CERS6: variants seen among roughly 807,000 people sequenced by gnomAD.
CERS6 encodes ceramide synthase 6.
CERS6 carries 26 observed loss-of-function variants against 56.8 expected under a neutral mutation model. That is an observed-to-expected ratio of 0.46 (90% CI 0.34 to 0.63). The LOEUF (loss-of-function observed/expected upper bound fraction) is 0.63, where lower values mean the gene tolerates loss of function less well. Ranked by LOEUF, CERS6 falls within the 30% of genes least tolerant of loss-of-function variation. The probability of loss-of-function intolerance (pLI) is 0.01; values close to 1 mark genes in which losing one functional copy is unlikely to be tolerated. For missense variants in CERS6, 415 were observed against 467.5 expected (o/e 0.89, Z 1.04); for synonymous variants, 164 against 173.3 (o/e 0.95, Z 0.42).
At chr2:168,677,174 C>T (rs1306492055) in intron 4 of CERS6, among the ~76,000 whole-genome samples, 4 of 151,982 alleles carry the variant, frequency 2.6e-5, no homozygotes, top group African/African-American at 9.7e-5. Flanking sequence ...CCCCTTCTCC[C>T]CCACCCCCCA....
At chr2:168,586,305 A>T (rs939699259) in intron 3 of CERS6, among the ~76,000 whole-genome samples, 1 of 152,118 alleles carries the variant, frequency 6.6e-6, no homozygotes, top group Non-Finnish European at 1.5e-5. Context: ...ATTAAAGAAA[A>T]TCAGTACTAA....
chr2:168,514,509 G>T (rs573099587), intron 1 of CERS6, among the ~76,000 whole-genome samples: 1 of 152,204 alleles, frequency 6.6e-6, no homozygotes, highest in Admixed American at 6.5e-5. Flanking sequence ...ACTACATAAG[G>T]TTTCCTTTTT....
chr2:168,669,768 C>T (rs886289155), intron 4 of CERS6, among the ~76,000 whole-genome samples: 14 of 152,154 alleles, frequency 9.2e-5, no homozygotes, highest in African/African-American at 2.9e-4. Context: ...AAGTTATATA[C>T]TCGCAGGTTA....
intron 4 of CERS6, among the ~76,000 whole-genome samples, chr2:168,652,610 G>A (rs571006665): frequency 7.1e-6 from 1 of 140,278 alleles, no homozygotes; most frequent in Admixed American, 7.2e-5. Context: ...ATGAATTGTT[G>A]TTTTTTTTTT....
intron 3 of CERS6, among the ~76,000 whole-genome samples, chr2:168,571,571 T>C (rs1182774974): frequency 6.6e-6 from 1 of 152,154 alleles, no homozygotes; most frequent in Non-Finnish European, 1.5e-5. Context: ...GTGAGGTTTA[T>C]TTGTAGGCCT....
At chr2:168,743,709 C>T (rs1306245531) in intron 8 of CERS6, among the ~76,000 whole-genome samples, 1 of 152,126 alleles carries the variant, frequency 6.6e-6, no homozygotes, top group Non-Finnish European at 1.5e-5. Context: ...AAGTAAAAGT[C>T]TGTAATCAAC....
intron 1 of CERS6, among the ~76,000 whole-genome samples, chr2:168,533,391 T>C (rs1241873256): frequency 6.6e-6 from 1 of 152,204 alleles, no homozygotes; most frequent in Non-Finnish European, 1.5e-5. Context: ...TTGGAATAGA[T>C]TGGAATTGTT....
intron 6 of CERS6, among the ~76,000 whole-genome samples, chr2:168,708,365 TTG>T (rs1687009623): frequency 6.6e-6 from 1 of 152,148 alleles, no homozygotes. Context: ...GGAAAACTGT[TTG>T]TTATTGATCC....
At chr2:168,634,171 G>A (rs917018444) in intron 4 of CERS6, among the ~76,000 whole-genome samples, 3 of 152,140 alleles carry the variant, frequency 2.0e-5, no homozygotes, top group African/African-American at 7.2e-5. Flanking sequence ...GTGTTGGTAG[G>A]AAATATTTAA....
intron 3 of CERS6, among the ~76,000 whole-genome samples, chr2:168,573,094 G>A (rs182057992): frequency 3.3e-5 from 5 of 152,030 alleles, no homozygotes; most frequent in Admixed American, 3.3e-4. Context: ...TGGACCAAAT[G>A]GAGAAAAAAG....
chr2:168,763,907 C>T (rs1684653583), intron 8 of CERS6, among the ~76,000 whole-genome samples: 1 of 152,130 alleles, frequency 6.6e-6, no homozygotes, highest in South Asian at 2.1e-4. Context: ...TTCTCTGTGG[C>T]AGCAGTATGA....
Position 168,630,176 on chromosome 2 carries a change from A to G in CERS6, c.408-809A>G, listed in dbSNP as rs78107750. On this transcript the variant is annotated intron_variant, in intron 3 of 9. Transcript: ENST00000305747. ...TCTTACAAGATAACTTTTTTTTTTT[A>G]TGATATCAGGAATGCCATTTAGTGA... Among the ~76,000 whole-genome samples, 962 of 150,418 alleles carry G rather than the reference A, an allele frequency of 6.4e-3. 8 individuals carry two copies. Among genetic ancestry groups the G allele is most frequent in the Middle Eastern group, 0.017 (5 of 294 alleles).
At chr2:168,465,414 A>AT (rs1367636673) in intron 1 of CERS6, among the ~76,000 whole-genome samples, 2 of 152,162 alleles carry the variant, frequency 1.3e-5, no homozygotes, top group African/African-American at 4.8e-5. Context: ...AATCCTATTC[A>AT]TGAGGGTTCA....
chr2:168,587,354 C>G (rs1446348242), intron 3 of CERS6, among the ~76,000 whole-genome samples: 1 of 152,134 alleles, frequency 6.6e-6, no homozygotes, highest in Non-Finnish European at 1.5e-5. Context: ...CTGAGGAGAT[C>G]ATATCCTGTG....
At chr2:168,693,872 T>C (rs1281194485) in intron 5 of CERS6, among the ~76,000 whole-genome samples, 1 of 152,206 alleles carries the variant, frequency 6.6e-6, no homozygotes, top group East Asian at 1.9e-4. Flanking sequence ...TTAGGATTGC[T>C]GGTTCTAGTA....
At chr2:168,567,381 T>C (rs780140972) in intron 3 of CERS6, among the ~76,000 whole-genome samples, 2 of 152,208 alleles carry the variant, frequency 1.3e-5, no homozygotes, top group African/African-American at 2.4e-5. Context: ...GGCCATGAAA[T>C]AAATATTTTA....
chr2:168,694,281 A>G (rs1019836668), intron 5 of CERS6, among the ~76,000 whole-genome samples: 3 of 152,156 alleles, frequency 2.0e-5, no homozygotes, highest in African/African-American at 7.2e-5. Context: ...TGAGGCAGTT[A>G]AAGCAGGTAT....
intron 1 of CERS6, among the ~76,000 whole-genome samples, chr2:168,466,672 T>C (rs1271963176): frequency 1.3e-5 from 2 of 152,224 alleles, no homozygotes; most frequent in African/African-American, 4.8e-5. Flanking sequence ...GCTGTTTTTC[T>C]TCTTTCTTCT....
At chr2:168,639,169 A>G (rs142253330) in intron 4 of CERS6, among the ~76,000 whole-genome samples, 12 of 152,316 alleles carry the variant, frequency 7.9e-5, no homozygotes, top group South Asian at 6.2e-4. Context: ...TGACTATGAA[A>G]AACATTGGTC....
Sources: gnomAD v4.1 joint callset for allele counts (sites outside exome capture counted in the v4.1 genomes callset) on GRCh38, gnomAD v4.1.1 for gene constraint, MANE v1.5 for transcripts, NCBI Gene and HGNC (gene_info 2026-07-23, HGNC 2026-07-21) for gene names.